ANK3: variants seen among roughly 807,000 people sequenced by gnomAD.
ANK3 encodes the protein ankyrin-3.
In ANK3, 57 loss-of-function variants were observed where a neutral mutation model predicts 370.9. That is an observed-to-expected ratio of 0.15 (90% CI 0.12 to 0.19). The LOEUF is 0.19. Among genes scored for constraint, ANK3 ranks in the 10% least tolerant of loss-of-function variants. The probability of loss-of-function intolerance (pLI) is 1.00; values close to 1 mark genes in which losing one functional copy is unlikely to be tolerated. For missense variants in ANK3, 4,439 were observed against 5,302.1 expected (o/e 0.84, Z 5.06); for synonymous variants, 1,929 against 1,946.3 (o/e 0.99, Z 0.23).
At chr10:60,103,314 T>G (rs2091637811) in intron 28 of ANK3, among the ~76,000 whole-genome samples, 1 of 152,156 alleles carries the variant, frequency 6.6e-6, no homozygotes, top group African/African-American at 2.4e-5. Flanking sequence ...GGAACTATTT[T>G]TATCTTGTTA....
At chr10:60,430,010 G>A (rs899473786) in intron 2 of ANK3, among the ~76,000 whole-genome samples, 5 of 152,208 alleles carry the variant, frequency 3.3e-5, no homozygotes. Flanking sequence ...CTATGTGGAT[G>A]CAGATATGCT....
At chr10:60,407,515 A>G (rs2063478356) in intron 2 of ANK3, among the ~76,000 whole-genome samples, 1 of 152,226 alleles carries the variant, frequency 6.6e-6, no homozygotes, top group Non-Finnish European at 1.5e-5. Flanking sequence ...TACCAAAATA[A>G]TACCATCATA....
intron 42 of ANK3, among the ~76,000 whole-genome samples, chr10:60,050,951 T>C (rs1371847776): frequency 6.6e-6 from 1 of 151,834 alleles, no homozygotes; most frequent in East Asian, 1.9e-4. Context: ...GTGTCACATA[T>C]ATCCATGCCA....
At chr10:60,347,121 A>T (rs78930856) in intron 1 of ANK3, among the ~76,000 whole-genome samples, 3,700 of 150,756 alleles carry the variant, frequency 0.025, 69 homozygotes, top group Non-Finnish European at 0.039. Context: ...TACTAGATAC[A>T]TGTTTACTGA....
At chr10:60,396,940 G>C (rs989774900) in intron 2 of ANK3, among the ~76,000 whole-genome samples, 1 of 152,134 alleles carries the variant, frequency 6.6e-6, no homozygotes, top group Non-Finnish European at 1.5e-5. Context: ...ATTGATTTTT[G>C]CATCCTTTTA....
intron 2 of ANK3, among the ~76,000 whole-genome samples, chr10:60,459,794 T>A (rs1453271587): frequency 6.6e-6 from 1 of 152,170 alleles, no homozygotes; most frequent in African/African-American, 2.4e-5. Context: ...TTACTGTTTT[T>A]AGGAACTTAC....
At chr10:60,537,093 A>G (rs1311052129) in intron 2 of ANK3, among the ~76,000 whole-genome samples, 1 of 152,074 alleles carries the variant, frequency 6.6e-6, no homozygotes, top group Non-Finnish European at 1.5e-5. Context: ...AAAATTCACA[A>G]TTCAGTGGAA....
intron 2 of ANK3, among the ~76,000 whole-genome samples, chr10:60,518,553 C>G (rs910344378): frequency 1.3e-5 from 2 of 151,980 alleles, no homozygotes; most frequent in Non-Finnish European, 2.9e-5. Context: ...GAATCTATAC[C>G]CCAAATGAAC....
At chr10:60,387,482 T>C (rs2062555490) in intron 1 of ANK3, among the ~76,000 whole-genome samples, 1 of 152,216 alleles carries the variant, frequency 6.6e-6, no homozygotes, top group Non-Finnish European at 1.5e-5. Flanking sequence ...ATGAATATTA[T>C]ATCTTCTGTA....
At chr10:60,348,990 TG>T (rs1218957971) in intron 1 of ANK3, among the ~76,000 whole-genome samples, 3 of 152,188 alleles carry the variant, frequency 2.0e-5, no homozygotes, top group Non-Finnish European at 4.4e-5. Flanking sequence ...AGCTCTCTAC[TG>T]CCATTTCAGC....
chr10:60,282,576 T>G (rs1403549044), intron 1 of ANK3, among the ~76,000 whole-genome samples: 2 of 151,926 alleles, frequency 1.3e-5, no homozygotes, highest in African/African-American at 4.8e-5. Context: ...GGTTCAGGAG[T>G]GCTAAGCTTG....
chr10:60,079,869 G>C (rs553420687), intron 36 of ANK3, among the ~76,000 whole-genome samples: 40 of 152,172 alleles, frequency 2.6e-4, no homozygotes, highest in African/African-American at 9.4e-4. Flanking sequence ...AGATAGGACT[G>C]AATGAATCTG....
chr10:60,584,247 T>C (rs879509960), intron 2 of ANK3, among the ~76,000 whole-genome samples: 1 of 152,182 alleles, frequency 6.6e-6, no homozygotes, highest in Non-Finnish European at 1.5e-5. Context: ...GGCTTATTAT[T>C]AAGATGACAT....
chr10:60,198,880 A>G (rs2096628702), intron 13 of ANK3, among the ~76,000 whole-genome samples: 1 of 152,102 alleles, frequency 6.6e-6, no homozygotes, highest in Non-Finnish European at 1.5e-5. Flanking sequence ...AAACTCATAT[A>G]CCTGGGAGGG....
rs944771081 is a variant in ANK3, at chr10:60,138,980, C to T, written c.2722G>A (p.Gly908Arg). Residue 908 changes from glycine to arginine, a missense_variant, in exon 24 of 44, where the codon GGA (glycine) becomes AGA (arginine). This residue lies in a region of ANK3 where 702 missense variants were observed against 941.5 expected (regional missense o/e 0.75). Transcript: ENST00000280772. ...PAEGYMGFSL[G>R]ARSASLRSFS... ...ACGAAGTACCTGGCAGAACGCGCTC[C>T]GAGACTAAAGCCCATGTAACCCTCT... 9 of 1,613,662 alleles carry T rather than the reference C, an allele frequency of 5.6e-6. No individual in the cohort carries two copies. The East Asian group carries it at 1.1e-4, about 20-fold the overall frequency.
At chr10:60,689,819 G>T (rs888260520) in intron 1 of ANK3, among the ~76,000 whole-genome samples, 1 of 151,044 alleles carries the variant, frequency 6.6e-6, no homozygotes, top group South Asian at 2.1e-4. Flanking sequence ...ATAGATTTTA[G>T]ATTTATATAG....
intron 17 of ANK3, among the ~76,000 whole-genome samples, chr10:60,182,160 A>T (rs1273983615): frequency 1.3e-5 from 2 of 151,992 alleles, no homozygotes; most frequent in Admixed American, 1.3e-4. Context: ...TATTTAAATG[A>T]TATCTGTTTA....
intron 8 of ANK3, among the ~76,000 whole-genome samples, chr10:60,226,424 C>T (rs1202251321): frequency 9.1e-6 from 1 of 109,972 alleles, no homozygotes; most frequent in Non-Finnish European, 1.7e-5. Context: ...ACATACTATA[C>T]AACATATAAT....
chr10:60,186,094 G>A (rs1195382295), intron 17 of ANK3, among the ~76,000 whole-genome samples: 2 of 152,134 alleles, frequency 1.3e-5, no homozygotes, highest in African/African-American at 2.4e-5. Context: ...ACTTAAAAAC[G>A]GATGAGCAAG....
Sources: gnomAD v4.1 joint callset for allele counts (sites outside exome capture counted in the v4.1 genomes callset) on GRCh38, gnomAD v4.1.1 for gene constraint, gnomAD v4.1.1 regional missense constraint, MANE v1.5 for transcripts, NCBI Gene and HGNC (gene_info 2026-07-23, HGNC 2026-07-21) for gene names.